The following GLIS3 variants were observed in gnomAD, a reference collection of about 807,000 sequenced individuals.
GLIS3 encodes the protein GLIS family zinc finger 3.
GLIS3 carries 53 observed loss-of-function variants against 78.6 expected under a neutral mutation model. The ratio of observed to expected loss-of-function variants is 0.67; its 90% CI spans 0.54 to 0.85. The LOEUF is 0.85. Among genes scored for constraint, GLIS3 ranks in the 40% least tolerant of loss-of-function variants. The pLI is 0.00. For synonymous variants in GLIS3, 684 were observed against 509.9 expected, an observed-to-expected ratio of 1.34 and a Z score of -4.60; for missense variants, 1,703 against 1,231.1, an observed-to-expected ratio of 1.38 and a Z score of -5.74.
chr9:4,156,689 G>T (rs1184690760), intron 2 of GLIS3, among the ~76,000 whole-genome samples: 1 of 152,212 alleles, frequency 6.6e-6, no homozygotes, highest in Non-Finnish European at 1.5e-5. Context: ...TCCTTGTGAA[G>T]GGTAGCCCTT....
chr9:4,083,777 T>C (rs1173613462), intron 4 of GLIS3, among the ~76,000 whole-genome samples: 7 of 152,120 alleles, frequency 4.6e-5, no homozygotes, highest in Non-Finnish European at 1.0e-4. Flanking sequence ...GCTATAAAAA[T>C]TACCCTCTAC....
chr9:3,950,874 G>A (rs374730723), intron 4 of GLIS3, among the ~76,000 whole-genome samples: 3 of 152,130 alleles, frequency 2.0e-5, no homozygotes, highest in South Asian at 2.1e-4. Context: ...TCCCTCCCTC[G>A]CTTTCTTTCT....
chr9:4,026,490 C>CA (rs1275273197), intron 4 of GLIS3, among the ~76,000 whole-genome samples: 3 of 152,006 alleles, frequency 2.0e-5, no homozygotes, highest in Non-Finnish European at 4.4e-5. Flanking sequence ...CTCCATTTTC[C>CA]AAAAAGCATT....
intron 4 of GLIS3, among the ~76,000 whole-genome samples, chr9:4,086,784 C>G (rs1224463298): frequency 6.6e-6 from 1 of 152,226 alleles, no homozygotes; most frequent in Non-Finnish European, 1.5e-5. Flanking sequence ...ACTTCACTAA[C>G]TAGAGAGAGC....
chr9:4,250,762 T>A (rs1364344232), intron 2 of GLIS3, among the ~76,000 whole-genome samples: 1 of 152,252 alleles, frequency 6.6e-6, no homozygotes, highest in Non-Finnish European at 1.5e-5. Context: ...GCTATAAATT[T>A]CCCTCTAAAC....
At chr9:4,182,085 T>C (rs1320186447) in intron 2 of GLIS3, among the ~76,000 whole-genome samples, 1 of 152,242 alleles carries the variant, frequency 6.6e-6, no homozygotes, top group Non-Finnish European at 1.5e-5. Context: ...TGTTGAGCTA[T>C]TACATGCCAA....
intron 9 of GLIS3, among the ~76,000 whole-genome samples, chr9:3,833,710 C>T (rs1563758880): frequency 6.6e-6 from 1 of 152,164 alleles, no homozygotes; most frequent in Admixed American, 6.6e-5. Flanking sequence ...TAAGAACATA[C>T]ATATAAATGT....
chr9:3,948,712 GAGT>G (rs1376601795), intron 4 of GLIS3, among the ~76,000 whole-genome samples: 4 of 152,168 alleles, frequency 2.6e-5, no homozygotes, highest in African/African-American at 9.7e-5. Context: ...TAATTATTTA[GAGT>G]AGTTGGCCTT....
intron 8 of GLIS3, among the ~76,000 whole-genome samples, chr9:3,867,895 G>A (rs2130359853): frequency 6.6e-6 from 1 of 152,258 alleles, no homozygotes; most frequent in East Asian, 1.9e-4. Flanking sequence ...GCTAAATGAG[G>A]ATAATGGCTT....
chr9:4,151,035 G>T (rs1031182548), intron 2 of GLIS3: 1 of 152,156 alleles, frequency 6.6e-6, no homozygotes, highest in African/African-American at 2.4e-5. Flanking sequence ...GGGGACAGGA[G>T]CGTCCATGAA....
At chr9:4,443,420 A>ACATG in the GLIS3 span, among the ~76,000 whole-genome samples, 1 of 152,238 alleles carries the variant, frequency 6.6e-6, no homozygotes, top group Admixed American at 6.5e-5. Context: ...ATGAGAACAA[A>ACATG]AATGAATGAA....
chr9:4,446,753 G>A, the GLIS3 span, among the ~76,000 whole-genome samples: 1 of 150,992 alleles, frequency 6.6e-6, no homozygotes, highest in African/African-American at 2.4e-5. Context: ...GAACTCGGGT[G>A]ACCTGCCTCG....
chr9:4,187,331 C>G (rs1817899964), intron 2 of GLIS3, among the ~76,000 whole-genome samples: 1 of 152,096 alleles, frequency 6.6e-6, no homozygotes, highest in Non-Finnish European at 1.5e-5. Flanking sequence ...TTTCTGAGGG[C>G]TCTGTTCTGT....
At chr9:4,313,547 G>C (rs569998951) in intron 2 of GLIS3, among the ~76,000 whole-genome samples, 1 of 152,160 alleles carries the variant, frequency 6.6e-6, no homozygotes, top group Non-Finnish European at 1.5e-5. Context: ...TTGGCTGACA[G>C]GCAGTTGTCA....
intron 2 of GLIS3, among the ~76,000 whole-genome samples, chr9:4,248,728 C>T (rs939299286): frequency 2.6e-4 from 40 of 152,226 alleles, no homozygotes; most frequent in African/African-American, 9.2e-4. Flanking sequence ...ATTCCTATTT[C>T]TCCACATTCT....
chr9:4,411,036 T>G, the GLIS3 span, among the ~76,000 whole-genome samples: 2 of 152,210 alleles, frequency 1.3e-5, no homozygotes, highest in South Asian at 4.1e-4. Flanking sequence ...AAAACAAGTA[T>G]GTAAAATTTA....
chr9:4,234,152 C>T (rs10974402), intron 2 of GLIS3, among the ~76,000 whole-genome samples: 2,663 of 152,254 alleles, frequency 0.017, 34 homozygotes, highest in Middle Eastern at 0.038. Context: ...GCTTCCATAT[C>T]CTTCTTGTGT....
At chr9:4,256,006 G>A (rs1824901374) in intron 2 of GLIS3, among the ~76,000 whole-genome samples, 3 of 152,070 alleles carry the variant, frequency 2.0e-5, no homozygotes, top group Non-Finnish European at 2.9e-5. Flanking sequence ...ATTTTGCTGT[G>A]AACCTAAAAC....
chr9:4,029,981 C>G (rs906608182), intron 4 of GLIS3, among the ~76,000 whole-genome samples: 1 of 152,146 alleles, frequency 6.6e-6, no homozygotes, highest in African/African-American at 2.4e-5. Flanking sequence ...ATAGCTGGAT[C>G]TTACGGTGGC....
Sources: allele counts gnomAD v4.1 joint callset (sites outside exome capture counted in the v4.1 genomes callset), GRCh38; gene constraint gnomAD v4.1.1; transcripts MANE v1.5; gene names NCBI Gene and HGNC (gene_info 2026-07-23, HGNC 2026-07-21).